Variants in SLC35F3 observed in about 807,000 individuals in gnomAD.
SLC35F3 encodes solute carrier family 35 member F3.
SLC35F3 carries 25 observed loss-of-function variants against 49.9 expected under a neutral mutation model. The observed-to-expected ratio is 0.50, with a 90% CI of 0.37 to 0.70. SLC35F3 has a LOEUF of 0.70. Ranked by LOEUF, SLC35F3 falls within the 30% of genes least tolerant of loss-of-function variation. The pLI is 0.00. For synonymous variants in SLC35F3, 275 were observed against 265.4 expected (o/e 1.04, Z -0.35); for missense variants, 525 against 639.8 (o/e 0.82, Z 1.94).
In SLC35F3 at chr1:234,225,744, C is replaced by G. The variant is rs187705751; in HGVS notation, c.284-5673C>G. 3.9e-5 allele frequency among the ~76,000 whole-genome samples: 6 copies of G among 152,364 alleles called. No individual in the cohort carries two copies. In the East Asian group the frequency reaches 1.2e-3, roughly 29 times the overall value. ...ACTTATAGGTGAATGTTCATAGCAG[C>G]ATTCTTCACAGCAGCCCCAAACTGA... On this transcript the variant is annotated intron_variant, in intron 2 of 7. Coordinates refer to ENST00000366618, the MANE Select transcript of SLC35F3 (RefSeq NM_173508.4).
At chr1:234,218,360 T>C (rs1667153995) in intron 2 of SLC35F3, among the ~76,000 whole-genome samples, 1 of 152,186 alleles carries the variant, frequency 6.6e-6, no homozygotes, top group South Asian at 2.1e-4. Context: ...ACTGGGTCTA[T>C]CCAGCTGTCA....
chr1:234,006,374 C>T (rs1051849198), intron 2 of SLC35F3, among the ~76,000 whole-genome samples: 8 of 152,192 alleles, frequency 5.3e-5, no homozygotes, highest in African/African-American at 9.7e-5. Flanking sequence ...TTTTGCTTCA[C>T]CAATTGCATA....
chr1:233,998,693 A>G (rs1191178478), intron 2 of SLC35F3, among the ~76,000 whole-genome samples: 1 of 152,104 alleles, frequency 6.6e-6, no homozygotes, highest in East Asian at 1.9e-4. Flanking sequence ...GGCTAGTCTT[A>G]TTAAGAAACT....
intron 2 of SLC35F3, among the ~76,000 whole-genome samples, chr1:234,051,944 A>G (rs193018139): frequency 1.3e-4 from 20 of 152,272 alleles, no homozygotes; most frequent in Admixed American, 1.3e-3. Flanking sequence ...GATTACGTTT[A>G]TTGATTTGCG....
At chr1:234,024,601 A>G (rs12076052) in intron 2 of SLC35F3, among the ~76,000 whole-genome samples, 115,330 of 152,050 alleles carry the variant, frequency 0.76, 44,640 homozygotes, top group African/African-American at 0.92. Flanking sequence ...CACGTGAAGG[A>G]CACCACATGA....
chr1:234,246,281 C>T (rs1667629607), intron 3 of SLC35F3, among the ~76,000 whole-genome samples: 1 of 152,152 alleles, frequency 6.6e-6, no homozygotes, highest in Non-Finnish European at 1.5e-5. Flanking sequence ...AGAGAGCAAT[C>T]AGGACCCTGA....
At chr1:233,930,303 C>G (rs997868568) in intron 2 of SLC35F3, among the ~76,000 whole-genome samples, 1 of 152,164 alleles carries the variant, frequency 6.6e-6, no homozygotes, top group Non-Finnish European at 1.5e-5. Context: ...CTGGAGATTC[C>G]TAATGAACAG....
At chr1:234,302,514 A>G (rs1668708657) in intron 3 of SLC35F3, among the ~76,000 whole-genome samples, 1 of 152,188 alleles carries the variant, frequency 6.6e-6, no homozygotes, top group Non-Finnish European at 1.5e-5. Flanking sequence ...TGTGGCTATG[A>G]AAAAGGGGAA....
intron 2 of SLC35F3, among the ~76,000 whole-genome samples, chr1:234,003,047 A>C (rs578096344): frequency 6.6e-6 from 1 of 151,248 alleles, no homozygotes; most frequent in Non-Finnish European, 1.5e-5. Context: ...CTGCCGCTAC[A>C]AGATACTCCA....
At chr1:234,207,224 A>G (rs1255458035) in intron 2 of SLC35F3, among the ~76,000 whole-genome samples, 1 of 151,664 alleles carries the variant, frequency 6.6e-6, no homozygotes, top group East Asian at 2.0e-4. Context: ...AGCCAGGGAG[A>G]GAGATACAGA....
chr1:234,129,143 T>A (rs1446746072), intron 2 of SLC35F3, among the ~76,000 whole-genome samples: 1 of 152,290 alleles, frequency 6.6e-6, no homozygotes, highest in African/African-American at 2.4e-5. Context: ...TAGAAGAAGA[T>A]ATTTAAAATA....
chr1:234,081,162 A>G (rs1470080388), intron 2 of SLC35F3, among the ~76,000 whole-genome samples: 1 of 152,106 alleles, frequency 6.6e-6, no homozygotes, highest in Non-Finnish European at 1.5e-5. Context: ...ACATGAACCC[A>G]TGCCTCGGTC....
At chr1:234,140,002 A>AATAAAAAAAT in intron 2 of SLC35F3, among the ~76,000 whole-genome samples, 22 of 105,448 alleles carry the variant, frequency 2.1e-4, no homozygotes, top group Non-Finnish European at 2.8e-4. Flanking sequence ...AATAAAATAA[A>AATAAAAAAAT]GTAAGTGACT....
chr1:233,913,617 CT>C (rs1314508649), intron 2 of SLC35F3, among the ~76,000 whole-genome samples: 1 of 152,186 alleles, frequency 6.6e-6, no homozygotes, highest in Non-Finnish European at 1.5e-5. Context: ...GTTAAATGTA[CT>C]TATTAAAGGC....
chr1:234,295,620 G>A (rs567860145), intron 3 of SLC35F3, among the ~76,000 whole-genome samples: 129 of 152,364 alleles, frequency 8.5e-4, no homozygotes, highest in Non-Finnish European at 1.0e-3. Context: ...CTGAAATGTG[G>A]TGTGGGGGTA....
At chr1:234,226,583 A>T (rs1190714416) in intron 2 of SLC35F3, among the ~76,000 whole-genome samples, 1 of 147,782 alleles carries the variant, frequency 6.8e-6, no homozygotes, top group Admixed American at 6.8e-5. Context: ...CCAATTCATC[A>T]TTTTCTCAGG....
At chr1:233,988,865 G>A (rs1262861091) in intron 2 of SLC35F3, among the ~76,000 whole-genome samples, 1 of 152,120 alleles carries the variant, frequency 6.6e-6, no homozygotes, top group Non-Finnish European at 1.5e-5. Context: ...CCCTACTCCT[G>A]CCCATTTGAT....
rs781469880 is a variant in SLC35F3, at chr1:234,081,904, ATTTTTTTTTTTTTTTTTT to A, written c.284-149498_284-149481del. Among the ~76,000 whole-genome samples, 68 of 39,238 alleles carry A rather than the reference ATTTTTTTTTTTTTTTTTT, an allele frequency of 1.7e-3. 2 individuals carry two copies. Among genetic ancestry groups the A allele is most frequent in the African/African-American group, 7.9e-3 (59 of 7,470 alleles). The allele number at this position is 39,238 out of a possible 152,430, so 25.7% of individuals were successfully genotyped here. On this transcript the variant is annotated intron_variant, in intron 2 of 7. Transcript: ENST00000366618. ...AGGCGCCTGCCACCATGCCTGGCTA[ATTTTTTTTTTTTTTTTTT>A]TTTTTTTTTTTTTTAGTAGAGACAG... is the stretch of plus-strand genomic sequence containing the variant.
chr1:234,088,954 G>A (rs577936883), intron 2 of SLC35F3, among the ~76,000 whole-genome samples: 3 of 151,268 alleles, frequency 2.0e-5, no homozygotes, highest in Non-Finnish European at 4.4e-5. Context: ...TAGAGAGGAG[G>A]TTTTGCCATG....
Sources: gnomAD v4.1 joint callset for allele counts (sites outside exome capture counted in the v4.1 genomes callset) on GRCh38, gnomAD v4.1.1 for gene constraint, MANE v1.5 for transcripts, NCBI Gene and HGNC (gene_info 2026-07-23, HGNC 2026-07-21) for gene names.